Variants in ANK3 observed in about 807,000 individuals in gnomAD.
ANK3 encodes ankyrin 3, also known as ankyrin-3.
ANK3 carries 57 observed loss-of-function variants against 370.9 expected under a neutral mutation model. The ratio of observed to expected loss-of-function variants is 0.15; its 90% CI spans 0.12 to 0.19. The LOEUF is 0.19. Among genes scored for constraint, ANK3 ranks in the 10% least tolerant of loss-of-function variants. ANK3 has a pLI of 1.00. For missense variants in ANK3, 4,439 were observed against 5,302.1 expected (o/e 0.84, Z 5.06); for synonymous variants, 1,929 against 1,946.3 (o/e 0.99, Z 0.23).
intron 30 of ANK3, 144 bp from the exon 31 acceptor site, chr10:60,085,397 G>GT: frequency 2.0e-6 from 1 of 488,800 alleles, no homozygotes; most frequent in Non-Finnish European, 3.6e-6. Context: ...ACTAAAGGTA[G>GT]TTTTCCTCTC....
chr10:60,031,306 C>T (rs1424491827), intron 43 of ANK3, among the ~76,000 whole-genome samples: 1 of 152,174 alleles, frequency 6.6e-6, no homozygotes, highest in Non-Finnish European at 1.5e-5. Context: ...AGTGGAGGCT[C>T]CACTGAGAAT....
intron 28 of ANK3, among the ~76,000 whole-genome samples, chr10:60,104,130 T>C (rs2091776856): frequency 6.6e-6 from 1 of 152,000 alleles, no homozygotes. Context: ...TAGTAGGTAC[T>C]AGGCTTTGAA....
intron 2 of ANK3, among the ~76,000 whole-genome samples, chr10:60,409,199 C>T (rs2132924190): frequency 6.6e-6 from 1 of 152,280 alleles, no homozygotes; most frequent in Non-Finnish European, 1.5e-5. Context: ...CCCTTCATGC[C>T]ACGTATTATC....
intron 1 of ANK3, among the ~76,000 whole-genome samples, chr10:60,708,014 C>G (rs953734727): frequency 2.6e-5 from 4 of 152,152 alleles, no homozygotes; most frequent in Admixed American, 2.6e-4. Context: ...AAGGAGAGGC[C>G]AGGCTCCTCC....
intron 2 of ANK3, among the ~76,000 whole-genome samples, chr10:60,476,253 GT>G (rs1234411611): frequency 6.6e-6 from 1 of 152,152 alleles, no homozygotes; most frequent in East Asian, 1.9e-4. Context: ...TAATGAAGGA[GT>G]TAATAAAGTT....
intron 25 of ANK3, among the ~76,000 whole-genome samples, chr10:60,132,198 AAGTGCTTTCTCT>A (rs2132177646): frequency 6.6e-6 from 1 of 152,278 alleles, no homozygotes; most frequent in South Asian, 2.1e-4. Context: ...TATTTGAGAC[AAGTGCTTTCTCT>A]AGTGCTAATA....
At chr10:60,180,615 CA>C (rs990463587) in intron 18 of ANK3, among the ~76,000 whole-genome samples, 7 of 106,158 alleles carry the variant, frequency 6.6e-5, no homozygotes, top group East Asian at 3.0e-4. Context: ...AAAAAAAAAC[CA>C]AAAAAAAAAC....
intron 1 of ANK3, among the ~76,000 whole-genome samples, chr10:60,347,443 T>C (rs558012854): frequency 2.6e-5 from 4 of 152,152 alleles, no homozygotes; most frequent in Non-Finnish European, 5.9e-5. Context: ...TTTCAGAGCA[T>C]GTTTCCAGAA....
At chr10:60,409,214 T>G (rs2132924257) in intron 2 of ANK3, among the ~76,000 whole-genome samples, 1 of 152,322 alleles carries the variant, frequency 6.6e-6, no homozygotes, top group East Asian at 1.9e-4. Context: ...ATTATCATCT[T>G]GCATTGCTTG....
Position 60,071,095 on chromosome 10 carries a change from C to T in ANK3, c.9786G>A (p.Ala3262=), listed in dbSNP as rs149717308. Residue 3262 remains alanine, a synonymous_variant, in exon 37 of 44, where the codon GCG becomes GCA. Coordinates refer to ENST00000280772, the MANE Select transcript of ANK3 (RefSeq NM_020987.5). Reference sequence around the variant, plus strand: ...GCTTCTTATCTGACTCAATCTGGTCCGCATCCAGTGGTGGAGGAGGGGGAA... The same window carrying T: ...GCTTCTTATCTGACTCAATCTGGTCTGCATCCAGTGGTGGAGGAGGGGGAA... The part of the protein sequence containing the change: ...IEFPPPPPLD[A]DQIESDKKHH... The T allele has an allele frequency of 2.4e-5, 39 of 1,613,918 alleles. No individual in the cohort carries two copies. Among genetic ancestry groups the T allele is most frequent in the Non-Finnish European group, 2.9e-5 (34 of 1,180,002 alleles).
intron 23 of ANK3, among the ~76,000 whole-genome samples, chr10:60,147,283 GA>G (rs1390317711): frequency 6.6e-6 from 1 of 152,184 alleles, no homozygotes; most frequent in Non-Finnish European, 1.5e-5. Context: ...GAGCCTCAGA[GA>G]AAAACTGACA....
chr10:60,420,362 C>A (rs2063753436), intron 2 of ANK3, among the ~76,000 whole-genome samples: 1 of 152,074 alleles, frequency 6.6e-6, no homozygotes, highest in African/African-American at 2.4e-5. Flanking sequence ...GCCTGGACCA[C>A]AGAAAGCATC....
chr10:60,541,447 A>C (rs1053872590), intron 2 of ANK3, among the ~76,000 whole-genome samples: 2 of 152,010 alleles, frequency 1.3e-5, no homozygotes, highest in Non-Finnish European at 2.9e-5. Flanking sequence ...AGATTTAGAA[A>C]TGTGAGATAA....
At position 60,566,926 on chromosome 10, in the gene ANK3, C is replaced by T. The variant is rs550136261; in HGVS notation, c.96+48260G>A. ...CAGCCACAGCATTTGCAGAGCATGG[C>T]CCCGACTCTGCAATTCTGTGAAGAC... is the stretch of plus-strand genomic sequence containing the variant. On this transcript the variant is annotated intron_variant, in intron 2 of 43. Coordinates refer to the ANK3 transcript ENST00000373827. Among the ~76,000 whole-genome samples the T allele has an allele frequency of 1.8e-4, 27 of 152,244 alleles. No homozygotes were observed. The South Asian group carries it at 5.4e-3, about 30-fold the overall frequency.
In ANK3 at chr10:60,071,808, C is replaced by G. The variant is rs1434688394; in HGVS notation, c.9073G>C (p.Val3025Leu). ...CCTACATAACTCTGGTGTTTGGAAACTTTGCTGATTTCTGAATAGGTAACT... is the reference window on the plus strand; with the variant it reads ...CCTACATAACTCTGGTGTTTGGAAAGTTTGCTGATTTCTGAATAGGTAACT... ...EKVTYSEISK[V>L]SKHQSYVGLC... The change falls in exon 37 of 44, where the codon GTT (valine) becomes CTT (leucine). Residue 3025 changes from valine (V) to leucine (L), a missense_variant. Physicochemically the swap from Val to Leu is conservative, Grantham distance 32. Around this residue, in one of 13 missense-constraint regions of ANK3, gnomAD observed 1,601 missense variants for 1,731.7 expected, o/e 0.92. Coordinates refer to ENST00000280772, the MANE Select transcript of ANK3 (RefSeq NM_020987.5). 6 of 1,609,892 alleles carry G rather than the reference C, an allele frequency of 3.7e-6. No individual in the cohort carries two copies. The South Asian group carries it at 5.5e-5, about 15-fold the overall frequency.
chr10:60,234,588 C>A, intron 8 of ANK3, 100 bp downstream of exon 8: 1 of 675,246 alleles, frequency 1.5e-6, no homozygotes, highest in Non-Finnish European at 2.6e-6. Flanking sequence ...ACAAATAGAA[C>A]AGAAAACAAA....
chr10:60,300,487 A>G, intron 1 of ANK3: 1 of 1,269,420 alleles, frequency 7.9e-7, no homozygotes. Flanking sequence ...GGAGCTGGTC[A>G]GAAGCAACTA....
At chr10:60,235,553 T>TG in intron 7 of ANK3, among the ~76,000 whole-genome samples, 2 of 10,260 alleles carry the variant, frequency 1.9e-4, no homozygotes, top group African/African-American at 8.5e-4. Context: ...ATTTCTTGTT[T>TG]TTTTTTTTTT....
At chr10:60,682,356 T>C (rs2079207035) in intron 1 of ANK3, among the ~76,000 whole-genome samples, 1 of 151,608 alleles carries the variant, frequency 6.6e-6, no homozygotes, top group African/African-American at 2.4e-5. Context: ...TGCCACTTGA[T>C]ACCTGTTGAT....
Sources: gnomAD v4.1 joint callset for allele counts (sites outside exome capture counted in the v4.1 genomes callset) on GRCh38, gnomAD v4.1.1 for gene constraint, gnomAD v4.1.1 regional missense constraint, MANE v1.5 for transcripts, NCBI Gene and HGNC (gene_info 2026-07-23, HGNC 2026-07-21) for gene names.